The following SBNO2 variants were observed in gnomAD, a reference collection of about 807,000 sequenced individuals.
The protein encoded by SBNO2 is strawberry notch homolog 2.
A neutral mutation model predicts 146.3 loss-of-function variants in SBNO2; 89 were observed. The ratio of observed to expected loss-of-function variants is 0.61; its 90% CI spans 0.51 to 0.73. The LOEUF is 0.73. Ranked by LOEUF, SBNO2 falls within the 30% of genes least tolerant of loss-of-function variation. The probability of loss-of-function intolerance (pLI) is 0.00; values close to 1 mark genes in which losing one functional copy is unlikely to be tolerated. For missense variants in SBNO2, 2,092 were observed against 2,003.7 expected (o/e 1.04, Z -0.84); for synonymous variants, 1,147 against 892.6 (o/e 1.29, Z -5.08).
rs767595702 is a variant in SBNO2 at position 1,115,947 on chromosome 19, G to C, written c.1885+74C>G. Reference sequence around the variant, plus strand: ...TGGACGGGGGAGTGGGGGAAGCAGGGAGCGACCAGCCAGCCCCCGGGGGGA... The same window carrying C: ...TGGACGGGGGAGTGGGGGAAGCAGGCAGCGACCAGCCAGCCCCCGGGGGGA... On this transcript the variant is annotated intron_variant, in intron 17 of 31. Coordinates refer to ENST00000361757, the MANE Select transcript of SBNO2 (RefSeq NM_014963.3). 35 of 1,206,112 alleles carry C rather than the reference G, an allele frequency of 2.9e-5. 1 individual carries two copies. The Admixed American group carries it at 6.5e-4, about 22-fold the overall frequency. The allele number at this position is 1,206,112 out of a possible 1,614,324, so 74.7% of individuals were successfully genotyped here. A position where few individuals can be genotyped will look rare whatever the true frequency, so the allele number is the denominator to read the frequency against.
chr19:1,144,387 G>A lies in SBNO2; in HGVS notation c.279+2922C>T, dbSNP rs937488140. ...ACATACGGACGCTGGAGCATGAGGCGGCTGTAGGCAGGGTGGGCAGGGAGC... is the reference window on the plus strand; with the variant it reads ...ACATACGGACGCTGGAGCATGAGGCAGCTGTAGGCAGGGTGGGCAGGGAGC... On this transcript the variant is annotated intron_variant, in intron 4 of 31. Transcript: ENST00000361757. The surrounding 1 kb of genome is among the most constrained non-coding windows in gnomAD (Gnocchi z 4.1). Among the ~76,000 whole-genome samples, 18 of 152,138 alleles carry A rather than the reference G, an allele frequency of 1.2e-4. No homozygotes were observed. Among genetic ancestry groups the A allele is most frequent in the African/African-American group, 3.9e-4 (16 of 41,420 alleles).
In SBNO2 at chr19:1,108,026, C is replaced by T. The variant is rs544011105; in HGVS notation, c.*194G>A. ...GCACAGAGAGGGCCCTGCCACGCCCCGGCCCCCAGCTGTCCTGAGTGGGCC... is the reference window on the plus strand; with the variant it reads ...GCACAGAGAGGGCCCTGCCACGCCCTGGCCCCCAGCTGTCCTGAGTGGGCC... On this transcript the variant is annotated 3_prime_UTR_variant, in exon 32 of 32. Transcript: ENST00000361757. 6.3e-4 allele frequency: 284 copies of T among 452,890 alleles called. 1 individual carries two copies. Among genetic ancestry groups the T allele is most frequent in the African/African-American group, 5.7e-3 (266 of 46,958 alleles). The allele number at this position is 452,890 out of a possible 1,614,324, so 28.1% of individuals were successfully genotyped here.
intron 4 of SBNO2, among the ~76,000 whole-genome samples, chr19:1,145,595 G>C (rs2080182575): frequency 6.6e-6 from 1 of 152,160 alleles, no homozygotes; most frequent in Admixed American, 6.5e-5. Context: ...GCTGGGGCTG[G>C]TAGGAAGGCA....
chr19:1,125,549 AATC>A (rs1338612258), intron 5 of SBNO2, among the ~76,000 whole-genome samples: 1 of 151,760 alleles, frequency 6.6e-6, no homozygotes, highest in Non-Finnish European at 1.5e-5. Context: ...ACATGCCTGT[AATC>A]TCAGCTACTA....
chr19:1,172,901 A>G (rs1350679663), intron 1 of SBNO2, among the ~76,000 whole-genome samples: 1 of 151,276 alleles, frequency 6.6e-6, no homozygotes, highest in Non-Finnish European at 1.5e-5. Context: ...CCCAGCAGTC[A>G]CAGGCAGGAA....
At chr19:1,132,622 G>A (rs1414038363) in intron 4 of SBNO2, among the ~76,000 whole-genome samples, 1 of 152,182 alleles carries the variant, frequency 6.6e-6, no homozygotes, top group Non-Finnish European at 1.5e-5. Flanking sequence ...CCTTCACCCA[G>A]CACCCCACGC....
In SBNO2 at chr19:1,157,346, G is replaced by A. The variant is rs991493998; in HGVS notation, c.-126-2944C>T. 3.3e-5 allele frequency among the ~76,000 whole-genome samples: 5 copies of A among 149,828 alleles called. No individual in the cohort carries two copies. The highest frequency in any genetic ancestry group is 5.9e-5 in the Non-Finnish European group (4 of 67,516). ...GCCTCTGCCACGCAGCCCCGGAGAC[G>A]CTCTCCCCACGCGGCCCCGGAGACC... On this transcript the variant is annotated intron_variant, in intron 1 of 31. Transcript: ENST00000361757. The surrounding 1 kb of genome is among the most constrained non-coding windows in gnomAD (Gnocchi z 6.8).
chr19:1,140,475 AG>A lies in SBNO2; in HGVS notation c.279+6833del, dbSNP rs574978196. Among the ~76,000 whole-genome samples, 306 of 151,986 alleles carry A rather than the reference AG, an allele frequency of 2.0e-3. No homozygotes were observed. The highest frequency in any genetic ancestry group is 7.1e-3 in the African/African-American group (293 of 41,428). Reference sequence around the variant, plus strand: ...GGAGACGGAAGGCTGAGCAGAAGTGAGGGGGGCCCTTCCTCCGGGCCAGGGT... The same window carrying A: ...GGAGACGGAAGGCTGAGCAGAAGTGAGGGGGCCCTTCCTCCGGGCCAGGGT... On this transcript the variant is annotated intron_variant, in intron 4 of 31. Transcript: ENST00000361757. The surrounding 1 kb of genome is among the most constrained non-coding windows in gnomAD (Gnocchi z 4.4).
chr19:1,173,282 T>A lies in SBNO2; in HGVS notation c.-127+890A>T, dbSNP rs2080499251. ...GACACACGCTGCTCCCGGGCCCCAC[T>A]CGGGCCATCTCAGCCCGCTACCCTC... On this transcript the variant is annotated intron_variant, in intron 1 of 31. Coordinates refer to ENST00000361757, the MANE Select transcript of SBNO2 (RefSeq NM_014963.3). This position sits in a 1 kb window ranked among gnomAD's most constrained non-coding sequence, Gnocchi z 4.7. Among the ~76,000 whole-genome samples, 1 of 149,420 alleles carries A rather than the reference T, an allele frequency of 6.7e-6. No homozygotes were observed. Among genetic ancestry groups the A allele is most frequent in the South Asian group, 2.1e-4 (1 of 4,806 alleles).
chr19:1,120,639 G>A (rs1293013218), intron 11 of SBNO2, among the ~76,000 whole-genome samples: 1 of 152,094 alleles, frequency 6.6e-6, no homozygotes, highest in Admixed American at 6.6e-5. Flanking sequence ...CCAAAGTGCT[G>A]GGATTACAGG....
At position 1,112,980 on chromosome 19, in the gene SBNO2, T is replaced by A. The variant is rs1256048092; in HGVS notation, c.2248-31A>T. 6.5e-7 allele frequency: 1 copy of A among 1,538,644 alleles called. No individual in the cohort carries two copies. Among genetic ancestry groups the A allele is most frequent in the Admixed American group, 2.0e-5 (1 of 51,272 alleles). ...GCCGAGACAGGGACAAAACCGGCCG[T>A]CAGTGTTGTGGCCTCGCAGGAGTCT... is the stretch of plus-strand genomic sequence containing the variant. On this transcript the variant is annotated intron_variant, in intron 19 of 31. Transcript: ENST00000361757. This position sits in a 1 kb window ranked among gnomAD's most constrained non-coding sequence, Gnocchi z 5.9.
In SBNO2 at chr19:1,123,937, C is replaced by A. The variant is rs1292479253; in HGVS notation, c.522+5G>T. On this transcript the variant is annotated splice_donor_5th_base_variant and intron_variant, in intron 6 of 31. Transcript: ENST00000361757. ...GGAGGGAGCTCTCGGCTGGGCCCAG[C>A]TCACCTGGTAGCTGACGAGAAGCGG... 6.2e-7 allele frequency: 1 copy of A among 1,610,438 alleles called. No homozygotes were observed. The highest frequency in any genetic ancestry group is 1.3e-5 in the African/African-American group (1 of 74,880).
At chr19:1,123,465 C>T in intron 7 of SBNO2, 69 bp downstream of exon 7, 1 of 1,357,294 alleles carries the variant, frequency 7.4e-7, no homozygotes, top group Admixed American at 1.7e-5. Context: ...GCGGTGGTCA[C>T]CTGCAGGGTC....
rs894200273 is a variant in SBNO2 at position 1,117,246 on chromosome 19, G to A, written c.1704+77C>T. The A allele has an allele frequency of 9.2e-6, 13 of 1,414,180 alleles. No homozygotes were observed. In the Admixed American group the frequency reaches 2.9e-4, roughly 32 times the overall value. 87.6% of individuals were successfully genotyped at this position (1,414,180 alleles called of 1,614,324 possible). On this transcript the variant is annotated intron_variant, in intron 15 of 31. Transcript: ENST00000361757. ...CCGCCCACGTCTGGGGAGGGGCCAGGAAGGACCTGGAAGAAGAGCAGCCTC... is the reference window on the plus strand; with the variant it reads ...CCGCCCACGTCTGGGGAGGGGCCAGAAAGGACCTGGAAGAAGAGCAGCCTC...
At chr19:1,160,220 G>A (rs145131951) in intron 1 of SBNO2, among the ~76,000 whole-genome samples, 2 of 152,290 alleles carry the variant, frequency 1.3e-5, no homozygotes, top group East Asian at 1.9e-4. Flanking sequence ...AAGAGCAGCC[G>A]CTCACCCACA....
chr19:1,124,525 TCCCTCA>T (rs2079943203), intron 5 of SBNO2, among the ~76,000 whole-genome samples: 1 of 152,128 alleles, frequency 6.6e-6, no homozygotes, highest in African/African-American at 2.4e-5. Flanking sequence ...CTGGGCCTTG[TCCCTCA>T]CCCGATGGCT....
intron 4 of SBNO2, among the ~76,000 whole-genome samples, chr19:1,142,827 C>T (rs2080153779): frequency 6.6e-6 from 1 of 152,106 alleles, no homozygotes; most frequent in South Asian, 2.1e-4. Context: ...ATTAGCCGGG[C>T]GTGGTGGTGG....
At position 1,122,282 on chromosome 19, in the gene SBNO2, T is replaced by G; in HGVS notation, c.1006A>C (p.Ile336Leu). 1.3e-6 allele frequency: 2 copies of G among 1,559,502 alleles called. No individual in the cohort carries two copies. Among genetic ancestry groups the G allele is most frequent in the Non-Finnish European group, 1.7e-6 (2 of 1,151,658 alleles). ...TGIAVHALSK[I>L]KYGDTTTSEG... ...GAGGTAGTGGTGTCACCGTACTTGATCTGGGGATGCACAGAACAGGTGTGG... is the reference window on the plus strand; with the variant it reads ...GAGGTAGTGGTGTCACCGTACTTGAGCTGGGGATGCACAGAACAGGTGTGG... The change falls in exon 11 of 32, where the codon ATC becomes CTC. Residue 336 changes from isoleucine to leucine, a missense_variant and splice_region_variant. Physicochemically the swap from Ile to Leu is conservative, Grantham distance 5. Coordinates refer to ENST00000361757, the MANE Select transcript of SBNO2 (RefSeq NM_014963.3).
Position 1,109,854 on chromosome 19 carries a change from G to A in SBNO2, c.3029-77C>T. Reference sequence around the variant, plus strand: ...GGGGCCAGGGTCAGTCCCGTAGCCGGGGCGCACCCTAGAGACGACCCCCCG... The same window carrying A: ...GGGGCCAGGGTCAGTCCCGTAGCCGAGGCGCACCCTAGAGACGACCCCCCG... On this transcript the variant is annotated intron_variant, in intron 26 of 31. Coordinates refer to ENST00000361757, the MANE Select transcript of SBNO2 (RefSeq NM_014963.3). This position sits in a 1 kb window ranked among gnomAD's most constrained non-coding sequence, Gnocchi z 4.2. 1 of 1,136,326 alleles carries A rather than the reference G, an allele frequency of 8.8e-7. No homozygotes were observed. Among genetic ancestry groups the A allele is most frequent in the Admixed American group, 2.3e-5 (1 of 42,964 alleles). The allele number at this position is 1,136,326 out of a possible 1,614,324, so 70.4% of individuals were successfully genotyped here.
Sources: allele counts gnomAD v4.1 joint callset (sites outside exome capture counted in the v4.1 genomes callset), GRCh38; gene constraint gnomAD v4.1.1; non-coding constraint Gnocchi (gnomAD v3.1); transcripts MANE v1.5; gene names NCBI Gene and HGNC (gene_info 2026-07-23, HGNC 2026-07-21).